The following LPP variants were observed in gnomAD, a reference collection of about 807,000 sequenced individuals.
The protein encoded by LPP is LIM domain containing preferred translocation partner in lipoma.
In LPP, 38 loss-of-function variants were observed where a neutral mutation model predicts 60.4. The observed-to-expected ratio is 0.63, with a 90% CI of 0.49 to 0.83. LPP has a LOEUF of 0.83. Ranked by LOEUF, LPP falls within the 40% of genes least tolerant of loss-of-function variation. LPP has a pLI of 0.00. For missense variants in LPP, 902 were observed against 783.6 expected, an observed-to-expected ratio of 1.15 and a Z score of -1.80; for synonymous variants, 328 against 290.8, an observed-to-expected ratio of 1.13 and a Z score of -1.30.
chr3:188,264,182 G>A (rs1220646279), intron 2 of LPP, among the ~76,000 whole-genome samples: 2 of 152,074 alleles, frequency 1.3e-5, no homozygotes, highest in African/African-American at 2.4e-5. Flanking sequence ...TTTAAAATGA[G>A]TAAGTGCACA....
At chr3:188,525,881 A>G (rs919773077) in intron 6 of LPP, among the ~76,000 whole-genome samples, 1 of 152,076 alleles carries the variant, frequency 6.6e-6, no homozygotes, top group Non-Finnish European at 1.5e-5. Flanking sequence ...TTTGCTTTTT[A>G]ATTTTTTTAT....
At chr3:188,728,264 G>A (rs1175280530) in intron 8 of LPP, among the ~76,000 whole-genome samples, 1 of 152,156 alleles carries the variant, frequency 6.6e-6, no homozygotes, top group African/African-American at 2.4e-5. Context: ...TACTGATCTA[G>A]TCCAATCTTA....
Position 188,837,182 on chromosome 3 carries a change from C to A in LPP, c.1411-29018C>A, listed in dbSNP as rs536486807. Among the ~76,000 whole-genome samples, 34 of 152,054 alleles carry A rather than the reference C, an allele frequency of 2.2e-4. No individual in the cohort carries two copies. In the East Asian group the frequency reaches 5.8e-3, roughly 26 times the overall value. ...AGATCACAAGGTCAGGAGTTCGAGA[C>A]CAGCCTGGCCAATATGGTGAAACCT... On this transcript the variant is annotated intron_variant, in intron 9 of 11. Transcript: ENST00000617246.
chr3:188,734,247 A>ATAAAGGT (rs1721703732), intron 8 of LPP, among the ~76,000 whole-genome samples: 1 of 152,248 alleles, frequency 6.6e-6, no homozygotes, highest in Non-Finnish European at 1.5e-5. Flanking sequence ...GTTATAATTC[A>ATAAAGGT]GTCATTCTTC....
upstream of LPP, chr3:188,153,925 A>C (rs1715208912): frequency 6.6e-6 from 1 of 152,642 alleles, no homozygotes; most frequent in Non-Finnish European, 1.5e-5. Context: ...GCCCTGCCGA[A>C]GTTTCACTTT....
In LPP at chr3:188,887,451, A is replaced by G. The variant is rs1770813917; in HGVS notation, c.*12972A>G. 4.6e-6 allele frequency: 1 copy of G among 215,514 alleles called. No homozygotes were observed. The highest frequency in any genetic ancestry group is 9.4e-6 in the Non-Finnish European group (1 of 106,874). 13.4% of individuals were successfully genotyped at this position (215,514 alleles called of 1,614,324 possible). On this transcript the variant is annotated 3_prime_UTR_variant, in exon 12 of 12. Transcript: ENST00000617246. ...CCTTCAAACATAAACTTTGAGAGTA[A>G]AAGAGATTTTTATAATTTAAATGCC... is the stretch of plus-strand genomic sequence containing the variant.
chr3:188,619,232 C>G (rs534674669), intron 7 of LPP, among the ~76,000 whole-genome samples: 6 of 152,294 alleles, frequency 3.9e-5, no homozygotes, highest in South Asian at 4.1e-4. Flanking sequence ...ACCATGTTGG[C>G]TAGGTTGGTC....
intron 6 of LPP, among the ~76,000 whole-genome samples, chr3:188,585,937 A>G (rs1350090235): frequency 6.6e-6 from 1 of 152,234 alleles, no homozygotes; most frequent in Non-Finnish European, 1.5e-5. Context: ...GTGCTATAGC[A>G]TAAGGTCTAT....
At chr3:188,240,493 T>A (rs112088997) in intron 2 of LPP, among the ~76,000 whole-genome samples, 3 of 152,208 alleles carry the variant, frequency 2.0e-5, no homozygotes, top group African/African-American at 2.4e-5. Context: ...GGAAGTCTTA[T>A]ACGTACTGAA....
In LPP at chr3:188,880,734, T is replaced by C. The variant is rs1435993534; in HGVS notation, c.*6255T>C. On this transcript the variant is annotated 3_prime_UTR_variant, in exon 12 of 12. Transcript: ENST00000617246. ...CGCATTCAGTCAACTTGGCACTGAA[T>C]GTAGCTTCTAAAATCAGTTCTCTAC... The C allele has an allele frequency of 5.4e-6, 1 of 184,832 alleles. No individual in the cohort carries two copies. The highest frequency in any genetic ancestry group is 1.1e-5 in the Non-Finnish European group (1 of 87,146). The allele number at this position is 184,832 out of a possible 1,614,324, so 11.4% of individuals were successfully genotyped here.
chr3:188,258,662 TTG>T (rs1732508445), intron 2 of LPP, among the ~76,000 whole-genome samples: 1 of 152,164 alleles, frequency 6.6e-6, no homozygotes, highest in African/African-American at 2.4e-5. Flanking sequence ...ATGGGCTAGG[TTG>T]GGGTTCTCGC....
intron 4 of LPP, among the ~76,000 whole-genome samples, chr3:188,480,853 G>A (rs976592544): frequency 6.6e-6 from 1 of 152,146 alleles, no homozygotes; most frequent in Non-Finnish European, 1.5e-5. Flanking sequence ...ATTTCATCCA[G>A]GGGCTTTCCT....
chr3:188,541,692 T>C (rs2150385492), intron 6 of LPP, among the ~76,000 whole-genome samples: 1 of 151,700 alleles, frequency 6.6e-6, no homozygotes, highest in South Asian at 2.1e-4. Context: ...AGGTCAGGAG[T>C]CCAAGACCAG....
chr3:188,246,969 C>T (rs901192777), intron 2 of LPP, among the ~76,000 whole-genome samples: 1 of 152,174 alleles, frequency 6.6e-6, no homozygotes, highest in African/African-American at 2.4e-5. Context: ...AGAGAGAACT[C>T]TGGTTGTCTT....
At chr3:188,191,464 G>T (rs1215984520) in intron 1 of LPP, among the ~76,000 whole-genome samples, 2 of 152,208 alleles carry the variant, frequency 1.3e-5, no homozygotes, top group Non-Finnish European at 2.9e-5. Context: ...GACCATTAAA[G>T]GTGTGGAGCC....
chr3:188,205,257 G>C (rs1393623698), intron 1 of LPP, among the ~76,000 whole-genome samples: 3 of 151,406 alleles, frequency 2.0e-5, no homozygotes, highest in African/African-American at 7.3e-5. Context: ...AGAGAACACA[G>C]GTCCTAAATA....
At chr3:188,257,384 C>G (rs1260278501) in intron 2 of LPP, among the ~76,000 whole-genome samples, 1 of 152,138 alleles carries the variant, frequency 6.6e-6, no homozygotes. Context: ...CTCCTGAGGC[C>G]ACCTTTCAGC....
rs1783425592 is a variant in LPP at position 188,406,092 on chromosome 3, G to A, written c.-9-20G>A. On this transcript the variant is annotated intron_variant, in intron 3 of 11. Coordinates refer to ENST00000617246, the MANE Select transcript of LPP (RefSeq NM_001375462.1). The stretch of plus-strand genomic sequence containing the variant: ...TCGTTTTCATGCTTCCATAAAAACA[G>A]TGTTTCTTTTTCATTGCAGATTCCA... 1 of 1,597,424 alleles carries A rather than the reference G, an allele frequency of 6.3e-7. No individual in the cohort carries two copies. The highest frequency in any genetic ancestry group is 8.6e-7 in the Non-Finnish European group (1 of 1,169,462).
chr3:188,272,071 T>C (rs2149801366), intron 2 of LPP, among the ~76,000 whole-genome samples: 1 of 152,218 alleles, frequency 6.6e-6, no homozygotes, highest in South Asian at 2.1e-4. Flanking sequence ...ATTCTTATGA[T>C]GCAGGGGGAT....
Sources: gnomAD v4.1 joint callset for allele counts (sites outside exome capture counted in the v4.1 genomes callset) on GRCh38, gnomAD v4.1.1 for gene constraint, MANE v1.5 for transcripts, NCBI Gene and HGNC (gene_info 2026-07-23, HGNC 2026-07-21) for gene names.